Variants in CSMD1 observed in about 807,000 individuals in gnomAD.
CSMD1 encodes the protein CUB and sushi domain-containing protein 1.
A neutral mutation model predicts 417.5 loss-of-function variants in CSMD1; 213 were observed. That is an observed-to-expected ratio of 0.51 (90% CI 0.46 to 0.57). The LOEUF (loss-of-function observed/expected upper bound fraction) is 0.57. Ranked by LOEUF, CSMD1 falls within the 20% of genes least tolerant of loss-of-function variation. The pLI is 0.00. For synonymous variants in CSMD1, 2,862 were observed against 1,736.8 expected (o/e 1.65, Z -16.11); for missense variants, 6,923 against 4,529.7 (o/e 1.53, Z -15.17).
chr8:4,245,298 A>C (rs182239373), intron 3 of CSMD1, among the ~76,000 whole-genome samples: 107 of 152,250 alleles, frequency 7.0e-4, no homozygotes, highest in Middle Eastern at 3.4e-3. Context: ...CACAACAAAC[A>C]CTGCATAAAA....
At chr8:4,509,151 G>A (rs1295007853) in intron 2 of CSMD1, among the ~76,000 whole-genome samples, 2 of 152,016 alleles carry the variant, frequency 1.3e-5, no homozygotes, top group East Asian at 1.9e-4. Context: ...GACCTTTTAG[G>A]GAGAATTGAA....
At chr8:3,729,710 C>G (rs17326852) in intron 6 of CSMD1, among the ~76,000 whole-genome samples, 2 of 151,846 alleles carry the variant, frequency 1.3e-5, no homozygotes, top group Non-Finnish European at 2.9e-5. Flanking sequence ...TGCTAAGTCC[C>G]TATCACTTCC....
chr8:4,536,807 T>C (rs976069000), intron 2 of CSMD1, among the ~76,000 whole-genome samples: 10 of 152,250 alleles, frequency 6.6e-5, no homozygotes, highest in Admixed American at 6.5e-4. Context: ...TATCATTTTA[T>C]TAACATGCGG....
intron 2 of CSMD1, among the ~76,000 whole-genome samples, chr8:4,529,594 A>T (rs1796687483): frequency 6.6e-6 from 1 of 152,196 alleles, no homozygotes; most frequent in South Asian, 2.1e-4. Context: ...CCTTGGGGGC[A>T]GTGTTGCCAG....
intron 5 of CSMD1, among the ~76,000 whole-genome samples, chr8:3,847,186 C>G (rs62479954): frequency 6.6e-6 from 1 of 151,990 alleles, no homozygotes; most frequent in African/African-American, 2.4e-5. Flanking sequence ...TTACAGGTGG[C>G]GCGGTGTCAC....
At chr8:4,052,763 T>A (rs1361358152) in intron 3 of CSMD1, among the ~76,000 whole-genome samples, 1 of 151,872 alleles carries the variant, frequency 6.6e-6, no homozygotes, top group Non-Finnish European at 1.5e-5. Context: ...TAAAAAAAAA[T>A]GGGATATCTG....
chr8:4,375,385 C>A (rs1410870373), intron 3 of CSMD1, among the ~76,000 whole-genome samples: 1 of 152,122 alleles, frequency 6.6e-6, no homozygotes, highest in East Asian at 1.9e-4. Context: ...GAGAGGAAAA[C>A]AGGGCATTAT....
chr8:4,140,409 A>C (rs1373861701), intron 3 of CSMD1, among the ~76,000 whole-genome samples: 1 of 150,878 alleles, frequency 6.6e-6, no homozygotes, highest in Non-Finnish European at 1.5e-5. Flanking sequence ...GAAGCAGGAG[A>C]ATTGCTTGAA....
chr8:4,175,049 G>C (rs550917868), intron 3 of CSMD1, among the ~76,000 whole-genome samples: 1 of 151,426 alleles, frequency 6.6e-6, no homozygotes, highest in Non-Finnish European at 1.5e-5. Context: ...CTTTCTAAGT[G>C]AACCCTGGGC....
chr8:4,099,217 C>T (rs1384428677), intron 3 of CSMD1, among the ~76,000 whole-genome samples: 1 of 151,854 alleles, frequency 6.6e-6, no homozygotes, highest in Non-Finnish European at 1.5e-5. Flanking sequence ...CACACACACA[C>T]ACACACCATT....
intron 43 of CSMD1, among the ~76,000 whole-genome samples, chr8:3,109,023 G>C (rs913739435): frequency 1.3e-5 from 2 of 152,150 alleles, no homozygotes; most frequent in East Asian, 1.9e-4. Context: ...CCAGCACTTT[G>C]GGAGGCCAAG....
At chr8:3,835,778 C>T (rs575292365) in intron 5 of CSMD1, among the ~76,000 whole-genome samples, 30 of 151,008 alleles carry the variant, frequency 2.0e-4, no homozygotes, top group African/African-American at 7.3e-4. Flanking sequence ...ATTTGGCTAA[C>T]TCTGGGTGAT....
At chr8:4,185,175 A>G (rs1365570568) in intron 3 of CSMD1, among the ~76,000 whole-genome samples, 1 of 151,644 alleles carries the variant, frequency 6.6e-6, no homozygotes, top group African/African-American at 2.4e-5. Context: ...AAACGAAGAA[A>G]AAACCAAAAA....
intron 54 of CSMD1, among the ~76,000 whole-genome samples, chr8:2,992,521 T>A (rs1175287321): frequency 3.3e-5 from 5 of 152,030 alleles, no homozygotes; most frequent in Non-Finnish European, 7.4e-5. Flanking sequence ...CCTTCTGGAT[T>A]CAAGCAATTC....
chr8:4,787,690 G>T, intron 1 of CSMD1: 2 of 1,591,162 alleles, frequency 1.3e-6, no homozygotes, highest in Non-Finnish European at 1.7e-6. Flanking sequence ...ACCTAAAGTG[G>T]AGTTGTTTTT....
chr8:3,202,610 T>C (rs554338486), intron 31 of CSMD1, among the ~76,000 whole-genome samples: 51 of 152,346 alleles, frequency 3.3e-4, no homozygotes, highest in African/African-American at 1.2e-3. Context: ...TTCTTATTTA[T>C]TGTAAGATTT....
intron 2 of CSMD1, among the ~76,000 whole-genome samples, chr8:4,482,943 G>C (rs911220532): frequency 3.3e-5 from 5 of 152,062 alleles, no homozygotes; most frequent in South Asian, 2.1e-4. Flanking sequence ...GGGAGGCGTA[G>C]GTATAAAACA....
At chr8:3,670,314 T>G (rs1272849327) in intron 7 of CSMD1, among the ~76,000 whole-genome samples, 1 of 151,878 alleles carries the variant, frequency 6.6e-6, no homozygotes, top group Non-Finnish European at 1.5e-5. Flanking sequence ...CTTCCTGCCC[T>G]CCAGCATCAG....
At chr8:3,855,048 G>T (rs1283620313) in intron 5 of CSMD1, among the ~76,000 whole-genome samples, 1 of 152,072 alleles carries the variant, frequency 6.6e-6, no homozygotes. Flanking sequence ...TATGCAGAGA[G>T]CTTGAGAGAA....
Sources: gnomAD v4.1 joint callset for allele counts (sites outside exome capture counted in the v4.1 genomes callset) on GRCh38, gnomAD v4.1.1 for gene constraint, MANE v1.5 for transcripts, NCBI Gene and HGNC (gene_info 2026-07-23, HGNC 2026-07-21) for gene names.